RAI14: variants seen among roughly 807,000 people sequenced by gnomAD.
RAI14 encodes the protein retinoic acid induced 14.
A neutral mutation model predicts 115.4 loss-of-function variants in RAI14; 45 were observed. The ratio of observed to expected loss-of-function variants is 0.39; its 90% confidence interval spans 0.31 to 0.50. The LOEUF is 0.50. RAI14 is among the 20% of genes least tolerant of loss of function. The pLI, the probability that RAI14 is intolerant of heterozygous loss-of-function variation, is 0.85. For missense variants in RAI14, 939 were observed against 1,131.2 expected, an observed-to-expected ratio of 0.83 and a Z score of 2.44; for synonymous variants, 371 against 415.4, an observed-to-expected ratio of 0.89 and a Z score of 1.30.
chr5:34,806,700 G>T (rs1222744628), intron 5 of RAI14, among the ~76,000 whole-genome samples: 1 of 152,154 alleles, frequency 6.6e-6, no homozygotes, highest in Admixed American at 6.5e-5. Flanking sequence ...TGCTGTTGAT[G>T]GAGAAGGCAG....
chr5:34,773,483 G>A (rs1185550290), intron 3 of RAI14, among the ~76,000 whole-genome samples: 2 of 152,126 alleles, frequency 1.3e-5, no homozygotes, highest in East Asian at 1.9e-4. Flanking sequence ...TGTCGAATGA[G>A]AGAAAAATAT....
At chr5:34,808,905 T>C (rs1024969061) in intron 7 of RAI14, among the ~76,000 whole-genome samples, 1 of 152,066 alleles carries the variant, frequency 6.6e-6, no homozygotes, top group African/African-American at 2.4e-5. Context: ...CACAATAGGG[T>C]TTGTGCTCCT....
intron 3 of RAI14, among the ~76,000 whole-genome samples, chr5:34,773,952 A>G (rs1750511425): frequency 6.6e-6 from 1 of 152,228 alleles, no homozygotes; most frequent in South Asian, 2.1e-4. Context: ...GACAAGAGAA[A>G]GAAACAGCAT....
intron 1 of RAI14, among the ~76,000 whole-genome samples, chr5:34,662,745 T>TTTTTA (rs869272839): frequency 0.023 from 3,362 of 143,758 alleles, 75 homozygotes; most frequent in Non-Finnish European, 0.038. Flanking sequence ...TTTTTTTTTT[T>TTTTTA]AGACACAGAG....
chr5:34,658,003 G>C (rs899960660), intron 1 of RAI14, among the ~76,000 whole-genome samples: 1 of 152,200 alleles, frequency 6.6e-6, no homozygotes, highest in Non-Finnish European at 1.5e-5. Flanking sequence ...TATGTGAGGA[G>C]ATTGATCCAG....
chr5:34,810,011 A>C (rs966490081), intron 7 of RAI14, among the ~76,000 whole-genome samples: 1 of 152,222 alleles, frequency 6.6e-6, no homozygotes, highest in Non-Finnish European at 1.5e-5. Flanking sequence ...ACTAGATAGA[A>C]TCTGTAAATA....
intron 3 of RAI14, among the ~76,000 whole-genome samples, chr5:34,783,164 G>C (rs757487945): frequency 6.6e-6 from 1 of 152,224 alleles, no homozygotes; most frequent in South Asian, 2.1e-4. Context: ...AGGCAGTGGT[G>C]ATCACTGCTA....
chr5:34,794,439 CA>C (rs896891733), intron 3 of RAI14, among the ~76,000 whole-genome samples: 3 of 151,412 alleles, frequency 2.0e-5, no homozygotes, highest in African/African-American at 7.3e-5. Context: ...TATTCAAAAA[CA>C]AAAAAAAGTC....
chr5:34,754,449 T>G (rs190871278), intron 2 of RAI14, among the ~76,000 whole-genome samples: 10 of 152,140 alleles, frequency 6.6e-5, no homozygotes, highest in Admixed American at 5.2e-4. Context: ...TTGCCCAGAG[T>G]GGTCTCGAAC....
intron 3 of RAI14, among the ~76,000 whole-genome samples, chr5:34,785,714 C>T (rs1374782526): frequency 6.6e-6 from 1 of 152,132 alleles, no homozygotes; most frequent in Non-Finnish European, 1.5e-5. Context: ...ATTTTATTCA[C>T]CCAATAAGCT....
At chr5:34,769,425 A>T (rs1419628022) in intron 3 of RAI14, among the ~76,000 whole-genome samples, 1 of 152,212 alleles carries the variant, frequency 6.6e-6, no homozygotes, top group African/African-American at 2.4e-5. Flanking sequence ...CCTTACCCTC[A>T]GTATAATCTG....
rs1305789486 is a variant in RAI14, at chr5:34,831,119, AG to A, written c.*355del. ...CGAGTGATGTGCTGAGGCCTCCTGCAGTGAATGCTCCTTCCATTCCTGTACT... is the reference window on the plus strand; with the variant it reads ...CGAGTGATGTGCTGAGGCCTCCTGCATGAATGCTCCTTCCATTCCTGTACT... On this transcript the variant is annotated 3_prime_UTR_variant, in exon 18 of 18. Coordinates refer to ENST00000265109, the MANE Select transcript of RAI14 (RefSeq NM_015577.3). 1 of 220,046 alleles carries A rather than the reference AG, an allele frequency of 4.5e-6. No individual in the cohort carries two copies. The highest frequency in any genetic ancestry group is 2.3e-5 in the African/African-American group (1 of 43,690). 13.6% of individuals were successfully genotyped at this position (220,046 alleles called of 1,614,324 possible). A position where few individuals can be genotyped will look rare whatever the true frequency, so the allele number is the denominator to read the frequency against.
chr5:34,747,313 C>T (rs1382915257), intron 2 of RAI14, among the ~76,000 whole-genome samples: 1 of 152,232 alleles, frequency 6.6e-6, no homozygotes, highest in African/African-American at 2.4e-5. Context: ...TATAGTACAG[C>T]TCCTCGCACT....
chr5:34,713,815 C>T (rs542302353), intron 2 of RAI14, among the ~76,000 whole-genome samples: 18 of 151,878 alleles, frequency 1.2e-4, no homozygotes, highest in African/African-American at 4.1e-4. Context: ...TTTTCTTTTC[C>T]TTTTTTTTGA....
intron 3 of RAI14, among the ~76,000 whole-genome samples, chr5:34,769,996 T>C (rs750039379): frequency 1.3e-5 from 2 of 152,232 alleles, no homozygotes; most frequent in African/African-American, 2.4e-5. Context: ...CCCCAAGTGC[T>C]AGGATTACAG....
Position 34,803,574 on chromosome 5 carries a change from AC to A in RAI14, c.257-137del. Reference sequence around the variant, plus strand: ...CCTGTCTCAAAAAACAAAAAAACAAACAAACAAAAAAACACAGTTCCGTCTT... The same window carrying A: ...CCTGTCTCAAAAAACAAAAAAACAAAAAACAAAAAAACACAGTTCCGTCTT... On this transcript the variant is annotated intron_variant, in intron 4 of 17. Transcript: ENST00000265109. The A allele has an allele frequency of 1.6e-5, 12 of 737,468 alleles. No individual in the cohort carries two copies. In the South Asian group the frequency reaches 1.7e-4, roughly 10 times the overall value. 45.7% of individuals were successfully genotyped at this position (737,468 alleles called of 1,614,324 possible). A position where few individuals can be genotyped will look rare whatever the true frequency, so the allele number is the denominator to read the frequency against.
At chr5:34,709,549 T>C (rs1244961675) in intron 2 of RAI14, among the ~76,000 whole-genome samples, 1 of 152,238 alleles carries the variant, frequency 6.6e-6, no homozygotes, top group Non-Finnish European at 1.5e-5. Flanking sequence ...ATTGGAATTT[T>C]GGAGGGTCTG....
intron 2 of RAI14, among the ~76,000 whole-genome samples, chr5:34,718,654 T>C (rs1742287300): frequency 6.6e-6 from 1 of 152,186 alleles, no homozygotes; most frequent in South Asian, 2.1e-4. Context: ...AATCAAAAGA[T>C]TGTGAATTTT....
chr5:34,659,328 C>T lies in RAI14; in HGVS notation c.-49+2853C>T, dbSNP rs115217866. Among the ~76,000 whole-genome samples the T allele has an allele frequency of 4.0e-3, 608 of 152,224 alleles. 2 individuals are homozygous for T. Among genetic ancestry groups the T allele is most frequent in the African/African-American group, 0.014 (577 of 41,498 alleles). On this transcript the variant is annotated intron_variant, in intron 1 of 17. Coordinates refer to ENST00000265109, the MANE Select transcript of RAI14 (RefSeq NM_015577.3). ...TGTCACCCAGGCTGGAGTGCAGTATCGTGATCACTGCTCACTACAGCCTCA... is the reference window on the plus strand; with the variant it reads ...TGTCACCCAGGCTGGAGTGCAGTATTGTGATCACTGCTCACTACAGCCTCA...
Sources: allele counts gnomAD v4.1 joint callset (sites outside exome capture counted in the v4.1 genomes callset), GRCh38; gene constraint gnomAD v4.1.1; transcripts MANE v1.5; gene names NCBI Gene and HGNC (gene_info 2026-07-23, HGNC 2026-07-21).